TRDN: variants seen among roughly 807,000 people sequenced by gnomAD.
The protein encoded by TRDN is triadin.
Under a neutral mutation model 149.7 loss-of-function variants are expected in TRDN, and 161 were observed. The observed-to-expected ratio is 1.08, with a 90% confidence interval of 0.95 to 1.23. The LOEUF (loss-of-function observed/expected upper bound fraction) is 1.23, where lower values mean the gene tolerates loss of function less well. TRDN is among the 50% of genes most tolerant of loss of function. The pLI is 0.00. For synonymous variants in TRDN, 294 were observed against 250.5 expected (o/e 1.17, Z -1.64); for missense variants, 896 against 823.5 (o/e 1.09, Z -1.08).
intron 24 of TRDN, among the ~76,000 whole-genome samples, chr6:123,307,261 G>T (rs1778649771): frequency 1.3e-5 from 2 of 151,960 alleles, no homozygotes; most frequent in South Asian, 4.2e-4. Context: ...ACAAAACTCT[G>T]GGGAAATTTT....
chr6:123,400,167 GTATA>G lies in TRDN; in HGVS notation c.1052-6494_1052-6491del, dbSNP rs374126829. ...TATTTGACATAAAGAATATGTATGT[GTATA>G]TATATATATATATATATAAACACAC... On this transcript the variant is annotated intron_variant, in intron 12 of 40. Coordinates refer to ENST00000334268, the MANE Select transcript of TRDN (RefSeq NM_006073.4). Among the ~76,000 whole-genome samples, 438 of 123,378 alleles carry G rather than the reference GTATA, an allele frequency of 3.6e-3. 6 individuals are homozygous for G. Among genetic ancestry groups the G allele is most frequent in the African/African-American group, 0.012 (392 of 33,370 alleles). The allele number at this position is 123,378 out of a possible 152,430, so 80.9% of individuals were successfully genotyped here. A position where few individuals can be genotyped will look rare whatever the true frequency, so the allele number is the denominator to read the frequency against.
intron 12 of TRDN, among the ~76,000 whole-genome samples, chr6:123,420,733 A>G (rs1346465836): frequency 6.6e-6 from 1 of 152,210 alleles, no homozygotes; most frequent in Admixed American, 6.5e-5. Context: ...TCATACTGGC[A>G]TTATACTAGG....
chr6:123,444,029 T>G (rs1247886820), intron 10 of TRDN, among the ~76,000 whole-genome samples: 3 of 150,338 alleles, frequency 2.0e-5, no homozygotes, highest in Non-Finnish European at 4.4e-5. Context: ...ATATGAACTT[T>G]AAAGTAGTTT....
chr6:123,252,427 GT>G lies in TRDN; in HGVS notation c.1959del (p.Lys653AsnfsTer91), dbSNP rs1483034737. 3 of 1,518,568 alleles carry G rather than the reference GT, an allele frequency of 2.0e-6. No individual in the cohort carries two copies. The highest frequency in any genetic ancestry group is 1.8e-5 in the Admixed American group (1 of 54,964). 94.1% of individuals were successfully genotyped at this position (1,518,568 alleles called of 1,614,324 possible). A position where few individuals can be genotyped will look rare whatever the true frequency, so the allele number is the denominator to read the frequency against. ...CCGTACTTACTTGATACTCTTGCAG[GT>G]TTTTCTGCTAAAAAGAGAAAATAAA... ...LQLHNVTKAEKPARVSKDVED... is the reference protein window; with the variant it reads ...LQLHNVTKAEXPARVSKDVED... On this transcript the variant is annotated frameshift_variant, in exon 38 of 41. Transcript: ENST00000334268. LOFTEE classifies it high-confidence loss of function.
chr6:123,435,713 T>C (rs1445029488), intron 12 of TRDN, among the ~76,000 whole-genome samples: 1 of 152,124 alleles, frequency 6.6e-6, no homozygotes, highest in Non-Finnish European at 1.5e-5. Flanking sequence ...GAAAACTGGC[T>C]CCAAGAAAGA....
chr6:123,352,736 C>A, intron 20 of TRDN, 150 bp from the exon 21 acceptor site: 1 of 1,116,902 alleles, frequency 9.0e-7, no homozygotes, highest in East Asian at 2.7e-5. Context: ...TTCTCTATAA[C>A]GCAATTGAAA....
intron 24 of TRDN, among the ~76,000 whole-genome samples, chr6:123,297,784 GA>G (rs1778258431): frequency 6.6e-6 from 1 of 151,958 alleles, no homozygotes; most frequent in Non-Finnish European, 1.5e-5. Flanking sequence ...AATATCAAGG[GA>G]TAAATGGACC....
At chr6:123,616,691 A>G (rs1301767007) in intron 1 of TRDN, among the ~76,000 whole-genome samples, 7 of 152,210 alleles carry the variant, frequency 4.6e-5, no homozygotes, top group African/African-American at 1.4e-4. Context: ...CCTTTAAATA[A>G]CATCCAGTAT....
chr6:123,547,746 G>C (rs1337488076), intron 3 of TRDN, among the ~76,000 whole-genome samples: 1 of 151,976 alleles, frequency 6.6e-6, no homozygotes, highest in African/African-American at 2.4e-5. Flanking sequence ...GGTAGTCAAG[G>C]CTGAATACAT....
intron 2 of TRDN, among the ~76,000 whole-genome samples, chr6:123,568,360 G>A (rs1184288896): frequency 2.0e-5 from 3 of 152,158 alleles, no homozygotes; most frequent in Non-Finnish European, 2.9e-5. Context: ...GGGGTCTGGA[G>A]GACAGTGGCC....
intron 24 of TRDN, among the ~76,000 whole-genome samples, chr6:123,315,835 T>C (rs1389267690): frequency 6.6e-6 from 1 of 151,942 alleles, no homozygotes; most frequent in Non-Finnish European, 1.5e-5. Context: ...TAGCCTTGAG[T>C]GCCCAGCTAA....
chr6:123,614,288 T>TAAAAA (rs1216969453), intron 1 of TRDN, among the ~76,000 whole-genome samples: 13 of 59,306 alleles, frequency 2.2e-4, no homozygotes, highest in African/African-American at 2.9e-4. Context: ...AGTGCTTCAT[T>TAAAAA]AAAAAAAAAA....
rs1389172600 is a variant in TRDN at position 123,278,302 on chromosome 6, A to C, written c.1567+16T>G. 1.0e-5 allele frequency: 13 copies of C among 1,277,034 alleles called. No individual in the cohort carries two copies. The highest frequency in any genetic ancestry group is 1.4e-5 in the Non-Finnish European group (13 of 944,524). 79.1% of individuals were successfully genotyped at this position (1,277,034 alleles called of 1,614,324 possible). ...AACATGGAAATCATATATGTGTATA[A>C]ATAAAATATACATACCTGGCTTCTC... On this transcript the variant is annotated intron_variant, in intron 26 of 40. Transcript: ENST00000334268.
chr6:123,532,645 A>G (rs559775063), intron 4 of TRDN, among the ~76,000 whole-genome samples: 152 of 152,036 alleles, frequency 1.0e-3, no homozygotes, highest in African/African-American at 3.5e-3. Flanking sequence ...TCCTTGTAAT[A>G]ATTTTTTAAA....
chr6:123,259,756 C>G (rs1469429065), intron 34 of TRDN, 94 bp from the exon 35 acceptor site: 7 of 851,586 alleles, frequency 8.2e-6, no homozygotes, highest in Non-Finnish European at 1.2e-5. Context: ...GAGACTTAAT[C>G]TTATGAGTGG....
At chr6:123,539,450 C>T (rs925583821) in intron 4 of TRDN, among the ~76,000 whole-genome samples, 5 of 152,126 alleles carry the variant, frequency 3.3e-5, no homozygotes, top group Non-Finnish European at 1.5e-5. Context: ...CGTAAAATAT[C>T]ATAGCTAGAA....
chr6:123,566,560 C>G (rs1007454700), intron 2 of TRDN, among the ~76,000 whole-genome samples: 2 of 152,162 alleles, frequency 1.3e-5, no homozygotes, highest in Non-Finnish European at 2.9e-5. Context: ...CGGCATTTAC[C>G]TACTTTTCTA....
chr6:123,610,185 C>A (rs1190588759), intron 1 of TRDN, among the ~76,000 whole-genome samples: 2 of 152,104 alleles, frequency 1.3e-5, no homozygotes, highest in Admixed American at 1.3e-4. Context: ...TCTAATGATG[C>A]CTCAGTAAAT....
chr6:123,587,402 A>G (rs1398197920), intron 1 of TRDN, among the ~76,000 whole-genome samples: 1 of 151,946 alleles, frequency 6.6e-6, no homozygotes, highest in Non-Finnish European at 1.5e-5. Context: ...GGAAAGGAGA[A>G]AGTGGTTGAG....
Sources: gnomAD v4.1 joint callset for allele counts (sites outside exome capture counted in the v4.1 genomes callset) on GRCh38, gnomAD v4.1.1 for gene constraint, MANE v1.5 for transcripts, NCBI Gene and HGNC (gene_info 2026-07-23, HGNC 2026-07-21) for gene names.